The following WDR75 variants were observed in gnomAD, a reference collection of about 807,000 sequenced individuals.
WDR75 encodes WD repeat domain 75, also known as WD repeat-containing protein 75.
Under a neutral mutation model 106.1 loss-of-function variants are expected in WDR75, and 52 were observed. The ratio of observed to expected loss-of-function variants is 0.49; its 90% CI spans 0.39 to 0.62. WDR75 has a LOEUF of 0.62. Ranked by LOEUF, WDR75 falls within the 20% of genes least tolerant of loss-of-function variation. The probability of loss-of-function intolerance (pLI) is 0.00; values close to 1 mark genes in which losing one functional copy is unlikely to be tolerated. For missense variants in WDR75, 905 were observed against 970.3 expected (o/e 0.93, Z 0.89); for synonymous variants, 333 against 335.5 (o/e 0.99, Z 0.08).
At chr2:189,462,170 A>G (rs974012514) in intron 8 of WDR75, among the ~76,000 whole-genome samples, 2 of 151,738 alleles carry the variant, frequency 1.3e-5, no homozygotes, top group Middle Eastern at 3.4e-3. Flanking sequence ...TATTTTTGGT[A>G]TAGTATTTAA....
intron 9 of WDR75, among the ~76,000 whole-genome samples, 168 bp from the exon 10 acceptor site, chr2:189,463,526 A>AT (rs1349917041): frequency 6.6e-6 from 1 of 152,074 alleles, no homozygotes; most frequent in East Asian, 1.9e-4. Context: ...GACATAAAAT[A>AT]TACTAACACT....
chr2:189,448,366 C>CT lies in WDR75; in HGVS notation c.87-5dup, dbSNP rs756300100. 53 of 1,606,962 alleles carry CT rather than the reference C, an allele frequency of 3.3e-5. No individual in the cohort carries two copies. Among genetic ancestry groups the CT allele is most frequent in the African/African-American group, 2.3e-4 (17 of 74,514 alleles). On this transcript the variant is annotated splice_polypyrimidine_tract_variant and intron_variant, in intron 1 of 20. Transcript: ENST00000314761. Reference sequence around the variant, plus strand: ...CAGTATGTAAAACTTACTTTTCTTTCTTTTTTTTCCAGGTATATCTTCTGT... The same window carrying CT: ...CAGTATGTAAAACTTACTTTTCTTTCTTTTTTTTTCCAGGTATATCTTCTGT...
chr2:189,449,273 A>G, intron 2 of WDR75: 1 of 1,303,704 alleles, frequency 7.7e-7, no homozygotes, highest in Non-Finnish European at 1.0e-6. Flanking sequence ...TTATTGATTA[A>G]GGATGGATTT....
intron 14 of WDR75, 135 bp from the exon 15 acceptor site, chr2:189,468,340 G>A: frequency 2.8e-6 from 2 of 718,216 alleles, no homozygotes; most frequent in South Asian, 2.1e-5. Flanking sequence ...TTTTCTTCAG[G>A]ATAATTATAA....
chr2:189,473,421 C>A (rs1364001709), intron 18 of WDR75, among the ~76,000 whole-genome samples: 1 of 152,094 alleles, frequency 6.6e-6, no homozygotes, highest in Non-Finnish European at 1.5e-5. Flanking sequence ...TTAGCTGTAT[C>A]TTTAGGTCTT....
At chr2:189,444,096 A>AT (rs150157254) in intron 1 of WDR75, among the ~76,000 whole-genome samples, 21,495 of 150,168 alleles carry the variant, frequency 0.14, 1,901 homozygotes, top group South Asian at 0.21. Flanking sequence ...AGATTTAGAG[A>AT]TTTTTTTTTT....
chr2:189,457,201 A>G lies in WDR75; in HGVS notation c.499-110A>G, dbSNP rs993056915. 8 of 711,228 alleles carry G rather than the reference A, an allele frequency of 1.1e-5. No individual in the cohort carries two copies. In the Admixed American group the frequency reaches 1.4e-4, roughly 12 times the overall value. The allele number at this position is 711,228 out of a possible 1,614,324, so 44.1% of individuals were successfully genotyped here. A position where few individuals can be genotyped will look rare whatever the true frequency, so the allele number is the denominator to read the frequency against. On this transcript the variant is annotated intron_variant, in intron 5 of 20. Transcript: ENST00000314761. ...GTTTGCAGTGAGCCGAGATCGCACC[A>G]TCACATTCCAGCCTGGGGGACAAGA...
chr2:189,473,044 C>T (rs547930251), intron 18 of WDR75, among the ~76,000 whole-genome samples: 1 of 151,978 alleles, frequency 6.6e-6, no homozygotes, highest in South Asian at 2.1e-4. Flanking sequence ...ATGGCAAAAC[C>T]CCATCTCTAC....
intron 17 of WDR75, 27 bp downstream of exon 17, chr2:189,470,272 T>A: frequency 6.2e-7 from 1 of 1,602,460 alleles, no homozygotes; most frequent in Non-Finnish European, 8.5e-7. Context: ...AAAAAGGCGA[T>A]CACTTTGTAC....
intron 1 of WDR75, 95 bp downstream of exon 1, chr2:189,441,673 C>T: frequency 1.4e-6 from 2 of 1,397,222 alleles, no homozygotes; most frequent in Non-Finnish European, 2.0e-6. Flanking sequence ...CGGACTCGCC[C>T]GCCTGGCGGA....
Position 189,475,302 on chromosome 2 carries a change from A to G in WDR75, c.2378A>G (p.Gln793Arg). ...GAAAATGATTTTACCGAAAAAGTCCAGGATACAAGTAACACAGGTTTAGGA... is the reference window on the plus strand; with the variant it reads ...GAAAATGATTTTACCGAAAAAGTCCGGGATACAAGTAACACAGGTTTAGGA... ...DEENDFTEKV[Q>R]DTSNTGLGED... Residue 793 changes from glutamine to arginine, a missense_variant, in exon 21 of 21, where the codon CAG becomes CGG. Physicochemically the swap from Gln to Arg is conservative, Grantham distance 43. Transcript: ENST00000314761. 2 of 1,612,998 alleles carry G rather than the reference A, an allele frequency of 1.2e-6. No individual in the cohort carries two copies. Among genetic ancestry groups the G allele is most frequent in the Non-Finnish European group, 1.7e-6 (2 of 1,179,240 alleles).
At position 189,466,573 on chromosome 2, in the gene WDR75, G is replaced by T; in HGVS notation, c.1438G>T (p.Asp480Tyr). Residue 480 changes from aspartate to tyrosine, a missense_variant, in exon 13 of 21, where the codon GAC (aspartate) becomes TAC (tyrosine). Physicochemically the swap from Asp to Tyr is radical, Grantham distance 160 (BLOSUM62 -3). Transcript: ENST00000314761. ...FKVWILTDDS[D>Y]IYKKAVGWTC... ...AGTATGGATATTAACAGATGACTCTGACATATACAGTAAGTTATTAAATAT... is the reference window on the plus strand; with the variant it reads ...AGTATGGATATTAACAGATGACTCTTACATATACAGTAAGTTATTAAATAT... The T allele has an allele frequency of 6.2e-7, 1 of 1,604,746 alleles. No homozygotes were observed. The highest frequency in any genetic ancestry group is 1.1e-5 in the South Asian group (1 of 89,928).
chr2:189,467,094 C>T (rs1351943034), intron 13 of WDR75, among the ~76,000 whole-genome samples: 4 of 152,024 alleles, frequency 2.6e-5, no homozygotes, highest in African/African-American at 9.7e-5. Context: ...ATCCAAGACC[C>T]CCCCGCCCCA....
intron 6 of WDR75, among the ~76,000 whole-genome samples, chr2:189,458,251 TC>T (rs1256812821): frequency 2.6e-5 from 4 of 152,152 alleles, no homozygotes; most frequent in African/African-American, 7.2e-5. Context: ...ATAATATTGA[TC>T]CTGACTTCTT....
At chr2:189,451,378 T>C (rs1368933874) in intron 3 of WDR75, among the ~76,000 whole-genome samples, 2 of 152,200 alleles carry the variant, frequency 1.3e-5, no homozygotes, top group Non-Finnish European at 2.9e-5. Flanking sequence ...CTCATAAATT[T>C]AGCCAAATTG....
intron 18 of WDR75, among the ~76,000 whole-genome samples, chr2:189,471,298 A>T (rs2105574417): frequency 6.6e-6 from 1 of 152,236 alleles, no homozygotes; most frequent in East Asian, 1.9e-4. Context: ...TTGACGCTGA[A>T]TTTTTAGCTG....
At chr2:189,449,682 C>G in intron 2 of WDR75, 1 of 992,388 alleles carries the variant, frequency 1.0e-6, no homozygotes, top group South Asian at 4.5e-5. Flanking sequence ...TGTGTATTAA[C>G]CATTGTTTTG....
chr2:189,448,058 C>T (rs1488320706), intron 1 of WDR75, among the ~76,000 whole-genome samples: 1 of 152,186 alleles, frequency 6.6e-6, no homozygotes, highest in Non-Finnish European at 1.5e-5. Flanking sequence ...GTTGTTTTTG[C>T]CTGCCACCAT....
chr2:189,462,544 A>C lies in WDR75; in HGVS notation c.839A>C (p.Glu280Ala), dbSNP rs747535949. The change falls in exon 9 of 21, where the codon GAG (glutamate) becomes GCG (alanine). Residue 280 changes from glutamate (E) to alanine (A), a missense_variant. By Grantham distance (107) the Glu-to-Ala change is moderately radical. Transcript: ENST00000314761. ...CTTGTAGAGTGGCGCGATGCAACAG[A>C]GAAGAATAAGGAGTTTCTCCCGCGT... ...SVLVEWRDAT[E>A]KNKEFLPRLG... 2.2e-5 allele frequency: 35 copies of C among 1,613,996 alleles called. No homozygotes were observed. The highest frequency in any genetic ancestry group is 3.0e-5 in the Non-Finnish European group (35 of 1,179,992).
Sources: allele counts gnomAD v4.1 joint callset (sites outside exome capture counted in the v4.1 genomes callset), GRCh38; gene constraint gnomAD v4.1.1; transcripts MANE v1.5; gene names NCBI Gene and HGNC (gene_info 2026-07-23, HGNC 2026-07-21).